SETX: variants seen among roughly 807,000 people sequenced by gnomAD.
SETX encodes the protein helicase senataxin.
In SETX, 90 loss-of-function variants were observed where a neutral mutation model predicts 227.2. The observed-to-expected ratio is 0.40, with a 90% confidence interval of 0.33 to 0.47. SETX has a LOEUF of 0.47. Among genes scored for constraint, SETX ranks in the 20% least tolerant of loss-of-function variants. The pLI, the probability that SETX is intolerant of heterozygous loss-of-function variation, is 0.91. For synonymous variants in SETX, 1,210 were observed against 1,113.2 expected, an observed-to-expected ratio of 1.09 and a Z score of -1.73; for missense variants, 3,052 against 3,181.5, an observed-to-expected ratio of 0.96 and a Z score of 0.98.
intron 15 of SETX, among the ~76,000 whole-genome samples, chr9:132,294,219 CAAG>C (rs1024328678): frequency 1.3e-5 from 2 of 152,102 alleles, no homozygotes; most frequent in Admixed American, 1.3e-4. Flanking sequence ...CAATCACTTT[CAAG>C]AAGAATTTGG....
In SETX at chr9:132,327,565, T is replaced by G; in HGVS notation, c.4033A>C (p.Ser1345Arg). 1.2e-6 allele frequency: 2 copies of G among 1,614,142 alleles called. No homozygotes were observed. The highest frequency in any genetic ancestry group is 1.7e-6 in the Non-Finnish European group (2 of 1,180,038). ...TGCCTTTGCATCTGAAGTTCTTGACTAGTCAGAAGTTTCTTATTATTTCTG... is the reference window on the plus strand; with the variant it reads ...TGCCTTTGCATCTGAAGTTCTTGACGAGTCAGAAGTTTCTTATTATTTCTG... The part of the protein sequence containing the change: ...SVRNNKKLLT[S>R]QELQMQRQIR... Residue 1345 changes from serine to arginine, a missense_variant, in exon 10 of 26, where the codon AGT (serine) becomes CGT (arginine). Transcript: ENST00000224140.
intron 5 of SETX, among the ~76,000 whole-genome samples, chr9:132,338,556 C>G (rs1019008266): frequency 6.6e-6 from 1 of 152,068 alleles, no homozygotes; most frequent in Non-Finnish European, 1.5e-5. Flanking sequence ...AAATGCATGA[C>G]CTCTCCAAAA....
chr9:132,324,763 G>C (rs1243360870), intron 10 of SETX, among the ~76,000 whole-genome samples: 1 of 152,128 alleles, frequency 6.6e-6, no homozygotes, highest in Non-Finnish European at 1.5e-5. Context: ...TCAAGCTAAT[G>C]AACCATGACT....
chr9:132,283,193 G>A, intron 19 of SETX, 71 bp downstream of exon 19: 2 of 1,573,768 alleles, frequency 1.3e-6, no homozygotes, highest in Non-Finnish European at 1.7e-6. Context: ...CAACATTTCA[G>A]CAGCCACAAT....
chr9:132,304,840 A>C (rs1845228216), intron 11 of SETX, among the ~76,000 whole-genome samples: 1 of 152,096 alleles, frequency 6.6e-6, no homozygotes, highest in Non-Finnish European at 1.5e-5. Flanking sequence ...TCGATTAAAA[A>C]TACAAACATT....
chr9:132,283,312 A>G lies in SETX; in HGVS notation c.6498T>C (p.Ala2166=). 1 of 1,614,224 alleles carries G rather than the reference A, an allele frequency of 6.2e-7. No individual in the cohort carries two copies. The change falls in exon 19 of 26, where the codon GCT becomes GCC. Residue 2166 remains alanine (A), a synonymous_variant. Transcript: ENST00000224140. The part of the protein sequence containing the change: ...STSGGLLLES[A]FRGQGGVPFS... ...AGGGGACACCCCCTTGCCCACGGAA[A>G]GCAGACTCAAGTAGTAAACCACCAC...
In SETX at chr9:132,327,220, T is replaced by G; in HGVS notation, c.4378A>C (p.Thr1460Pro). ...CCTCCACCCAGAGGGTCTTCTGAAG[T>G]GGAGACAATTACTTCATTTGTTGGT... ...TVPTNEVIVS[T>P]SEDPLGGGDP... The change falls in exon 10 of 26, where the codon ACT (threonine) becomes CCT (proline). Residue 1460 changes from threonine to proline, a missense_variant. By Grantham distance (38) the Thr-to-Pro change is conservative. Around this residue, in one of 10 missense-constraint regions of SETX, gnomAD observed 1,483 missense variants for 1,312.0 expected, o/e 1.13. Transcript: ENST00000224140. The G allele has an allele frequency of 6.2e-7, 1 of 1,614,216 alleles. No individual in the cohort carries two copies.
At chr9:132,343,047 C>T (rs1297216985) in intron 4 of SETX, among the ~76,000 whole-genome samples, 1 of 151,766 alleles carries the variant, frequency 6.6e-6, no homozygotes, top group African/African-American at 2.4e-5. Flanking sequence ...TTGCCGGGCG[C>T]GGTGGCTCAC....
intron 11 of SETX, among the ~76,000 whole-genome samples, chr9:132,304,256 C>T (rs1174723341): frequency 6.6e-6 from 1 of 152,134 alleles, no homozygotes; most frequent in Non-Finnish European, 1.5e-5. Context: ...GGGGTTTGAA[C>T]TGGCAGTACT....
intron 3 of SETX, among the ~76,000 whole-genome samples, 187 bp from the exon 4 acceptor site, chr9:132,346,658 G>A (rs1848310960): frequency 6.6e-6 from 1 of 152,004 alleles, no homozygotes; most frequent in Non-Finnish European, 1.5e-5. Flanking sequence ...AGTACACAGA[G>A]TATGAGATAT....
In SETX at chr9:132,300,742, A is replaced by C. The variant is rs1160811228; in HGVS notation, c.5436T>G (p.Phe1812Leu). The C allele has an allele frequency of 6.2e-7, 1 of 1,613,564 alleles. No individual in the cohort carries two copies. Among genetic ancestry groups the C allele is most frequent in the Non-Finnish European group, 8.5e-7 (1 of 1,179,880 alleles). ...CTTCATTTATTCTCTCAGGAGCTAA[A>C]AACACCAAATCGTTTTCCTTTGGAT... ...QLYPKENDLV[F>L]LAPERINEEK... The change falls in exon 12 of 26, where the codon TTT becomes TTG. Residue 1812 changes from phenylalanine (F) to leucine (L), a missense_variant. Coordinates refer to ENST00000224140, the MANE Select transcript of SETX (RefSeq NM_015046.7).
intron 23 of SETX, 188 bp downstream of exon 23, chr9:132,275,068 G>A: frequency 1.6e-6 from 1 of 609,970 alleles, no homozygotes; most frequent in Non-Finnish European, 2.9e-6. Context: ...CAACTGCCAG[G>A]AAGTAACCTG....
At chr9:132,285,166 C>T (rs1178712254) in intron 18 of SETX, among the ~76,000 whole-genome samples, 1 of 152,020 alleles carries the variant, frequency 6.6e-6, no homozygotes, top group Admixed American at 6.6e-5. Flanking sequence ...CGTGAGCCAC[C>T]GCGCCTGGCC....
intron 11 of SETX, among the ~76,000 whole-genome samples, chr9:132,306,155 G>C (rs575512584): frequency 6.6e-6 from 1 of 152,246 alleles, no homozygotes; most frequent in Non-Finnish European, 1.5e-5. Flanking sequence ...TTATACGTTA[G>C]CTCTATTTTA....
chr9:132,326,435 G>A lies in SETX; in HGVS notation c.5163C>T (p.Pro1721=), dbSNP rs746171190. The change falls in exon 10 of 26, where the codon CCC becomes CCT. Residue 1721 remains proline, a synonymous_variant. Coordinates refer to ENST00000224140, the MANE Select transcript of SETX (RefSeq NM_015046.7). ...EMFLNFGQCG[P]PASLCQSISR... is the part of the protein sequence containing the mutation. ...AGATGGACTGACAAAGACTTGCAGG[G>A]GGCCCACACTGACCAAAGTTCAAAA... is the stretch of plus-strand genomic sequence containing the variant. The A allele has an allele frequency of 1.9e-6, 3 of 1,614,070 alleles. No homozygotes were observed. Among genetic ancestry groups the A allele is most frequent in the Admixed American group, 3.3e-5 (2 of 60,016 alleles).
rs370781594 is a variant in SETX, at chr9:132,328,569, C to T, written c.3029G>A (p.Arg1010His). The T allele has an allele frequency of 1.3e-4, 207 of 1,613,848 alleles. No homozygotes were observed. Among genetic ancestry groups the T allele is most frequent in the South Asian group, 8.8e-4 (80 of 91,030 alleles). The change falls in exon 10 of 26, where the codon CGT becomes CAT. Residue 1010 changes from arginine (R) to histidine (H), a missense_variant. Arg to His is a conservative substitution (Grantham distance 29). Coordinates refer to ENST00000224140, the MANE Select transcript of SETX (RefSeq NM_015046.7). ...ANQNNVGDTS[R>H]GQVIIISDSD... is the part of the protein sequence containing the mutation. ...ATCTGAAATAATAATAACCTGTCCA[C>T]GGGAGGTATCTCCAACATTATTTTG... is the stretch of plus-strand genomic sequence containing the variant.
intron 11 of SETX, among the ~76,000 whole-genome samples, chr9:132,305,325 G>A (rs1225247375): frequency 1.5e-5 from 2 of 135,852 alleles, no homozygotes; most frequent in Non-Finnish European, 3.0e-5. Context: ...CTGCACTCCC[G>A]CCTGGGTGAC....
intron 11 of SETX, among the ~76,000 whole-genome samples, chr9:132,304,527 G>GATCC (rs1032584077): frequency 2.1e-4 from 31 of 150,286 alleles, no homozygotes; most frequent in African/African-American, 7.1e-4. Flanking sequence ...AGAAAATGGA[G>GATCC]ATCCAACATA....
At chr9:132,269,057 G>A (rs1245462906) in intron 25 of SETX, among the ~76,000 whole-genome samples, 3 of 152,234 alleles carry the variant, frequency 2.0e-5, no homozygotes, top group East Asian at 1.9e-4. Flanking sequence ...GCAAATACGT[G>A]CTACATCTAG....
Sources: allele counts gnomAD v4.1 joint callset (sites outside exome capture counted in the v4.1 genomes callset), GRCh38; gene constraint gnomAD v4.1.1; regional missense constraint gnomAD v4.1.1; transcripts MANE v1.5; gene names NCBI Gene and HGNC (gene_info 2026-07-23, HGNC 2026-07-21).